Variants in RUSC2 observed in about 807,000 individuals in gnomAD.
The protein encoded by RUSC2 is RUN and SH3 domain containing 2.
A neutral mutation model predicts 122.2 loss-of-function variants in RUSC2; 34 were observed. That is an observed-to-expected ratio of 0.28 (90% CI 0.21 to 0.37). The LOEUF (loss-of-function observed/expected upper bound fraction) is 0.37. Ranked by LOEUF, RUSC2 falls within the 10% of genes least tolerant of loss-of-function variation. The pLI, the probability that RUSC2 is intolerant of heterozygous loss-of-function variation, is 1.00. For synonymous variants in RUSC2, 784 were observed against 790.0 expected (o/e 0.99, Z 0.13); for missense variants, 1,747 against 1,952.4 (o/e 0.89, Z 1.98).
In RUSC2 at chr9:35,557,332, G is replaced by A. The variant is rs765494574; in HGVS notation, c.2984-582G>A. Among the ~76,000 whole-genome samples, 8 of 152,168 alleles carry A rather than the reference G, an allele frequency of 5.3e-5. No individual in the cohort carries two copies. The highest frequency in any genetic ancestry group is 1.2e-4 in the Non-Finnish European group (8 of 68,030). ...AAACGGCCACCTTCCTCCAGGACGC[G>A]AAGGGGATGCAAGTGGGCAGGGGAG... On this transcript the variant is annotated intron_variant, in intron 5 of 11. Transcript: ENST00000361226. This position sits in a 1 kb window ranked among gnomAD's most constrained non-coding sequence, Gnocchi z 4.6.
At chr9:35,515,378 T>C (rs1424763995) in intron 1 of RUSC2, among the ~76,000 whole-genome samples, 1 of 152,052 alleles carries the variant, frequency 6.6e-6, no homozygotes, top group Non-Finnish European at 1.5e-5. Flanking sequence ...ATTCAGAGTA[T>C]AGAAAAAGGC....
At chr9:35,532,369 T>C (rs1821437276) in intron 1 of RUSC2, among the ~76,000 whole-genome samples, 1 of 152,196 alleles carries the variant, frequency 6.6e-6, no homozygotes, top group Admixed American at 6.5e-5. Context: ...TAAATTTGCA[T>C]TTAAATATGG....
chr9:35,555,209 C>A lies in RUSC2; in HGVS notation c.2164C>A (p.Leu722Ile). 2 of 1,613,348 alleles carry A rather than the reference C, an allele frequency of 1.2e-6. No homozygotes were observed. The highest frequency in any genetic ancestry group is 1.7e-6 in the Non-Finnish European group (2 of 1,180,020). Residue 722 changes from leucine (L) to isoleucine (I), a missense_variant, in exon 3 of 12, where the codon CTC becomes ATC. Coordinates refer to ENST00000361226, the MANE Select transcript of RUSC2 (RefSeq NM_014806.5). This position sits in a 1 kb window ranked among gnomAD's most constrained non-coding sequence, Gnocchi z 4.6. ...CCACAGCCTTTCCCAGCTCTACAGC[C>A]TCTCAGGCTGCAGCCGTACACAGCA... is the stretch of plus-strand genomic sequence containing the variant. Reference protein sequence around the residue: ...ALHSLSQLYSLSGCSRTQQPA... With the variant: ...ALHSLSQLYSISGCSRTQQPA...
rs1821782888 is a variant in RUSC2 at position 35,547,516 on chromosome 9, A to C, written c.995A>C (p.Lys332Thr). 6.2e-7 allele frequency: 1 copy of C among 1,613,978 alleles called. No homozygotes were observed. Among genetic ancestry groups the C allele is most frequent in the South Asian group, 1.1e-5 (1 of 91,072 alleles). ...CTGCAGCCCTCCCCATTTGAGTCTA[A>C]GATGTCTTATGAGTCCCATCACCCT... ...LDLQPSPFES[K>T]MSYESHHPES... The change falls in exon 2 of 12, where the codon AAG becomes ACG. Residue 332 changes from lysine (K) to threonine (T), a missense_variant. Lys to Thr is a moderately conservative substitution (Grantham distance 78). Coordinates refer to ENST00000361226, the MANE Select transcript of RUSC2 (RefSeq NM_014806.5). This position sits in a 1 kb window ranked among gnomAD's most constrained non-coding sequence, Gnocchi z 4.6.
chr9:35,515,717 G>T (rs1821089190), intron 1 of RUSC2, among the ~76,000 whole-genome samples: 2 of 151,864 alleles, frequency 1.3e-5, no homozygotes, highest in Non-Finnish European at 2.9e-5. Flanking sequence ...TGCACTTATG[G>T]GCCAGACACA....
At chr9:35,507,010 T>A (rs1326504621) in intron 1 of RUSC2, among the ~76,000 whole-genome samples, 2 of 151,996 alleles carry the variant, frequency 1.3e-5, no homozygotes, top group Non-Finnish European at 2.9e-5. Context: ...CCCAGCTACT[T>A]GGGAGGCGAG....
chr9:35,497,193 C>T (rs1188003108), intron 1 of RUSC2, among the ~76,000 whole-genome samples: 1 of 152,140 alleles, frequency 6.6e-6, no homozygotes, highest in Non-Finnish European at 1.5e-5. Context: ...GTCATGATTT[C>T]TCATTGAGGG....
At chr9:35,513,328 C>T (rs900726328) in intron 1 of RUSC2, among the ~76,000 whole-genome samples, 3 of 152,102 alleles carry the variant, frequency 2.0e-5, no homozygotes, top group African/African-American at 7.2e-5. Flanking sequence ...CTGCAACCTC[C>T]GCCTCCTGGG....
chr9:35,536,625 C>G (rs932254429), intron 1 of RUSC2, among the ~76,000 whole-genome samples: 2 of 151,868 alleles, frequency 1.3e-5, no homozygotes, highest in African/African-American at 2.4e-5. Flanking sequence ...CAAGCCTGGC[C>G]AACATGGCAA....
At chr9:35,514,474 G>A (rs1046867665) in intron 1 of RUSC2, among the ~76,000 whole-genome samples, 1 of 152,132 alleles carries the variant, frequency 6.6e-6, no homozygotes, top group South Asian at 2.1e-4. Context: ...AAGCATGAAA[G>A]TGATATAAAT....
intron 1 of RUSC2, among the ~76,000 whole-genome samples, chr9:35,503,418 G>T (rs1323778766): frequency 6.6e-6 from 1 of 152,058 alleles, no homozygotes; most frequent in East Asian, 1.9e-4. Flanking sequence ...CTCCATCCAA[G>T]TTGCTAAAAA....
chr9:35,553,812 C>T (rs1180052446), intron 2 of RUSC2, among the ~76,000 whole-genome samples: 3 of 152,120 alleles, frequency 2.0e-5, no homozygotes. Context: ...TTCAGAAGCA[C>T]CTCCCTAATG....
intron 1 of RUSC2, among the ~76,000 whole-genome samples, chr9:35,530,751 T>G (rs1032467964): frequency 2.6e-5 from 4 of 151,760 alleles, no homozygotes; most frequent in African/African-American, 9.7e-5. Flanking sequence ...GTGATTATCC[T>G]GCCTCAGCCT....
At chr9:35,543,720 C>T (rs1050272226) in intron 1 of RUSC2, among the ~76,000 whole-genome samples, 5 of 152,192 alleles carry the variant, frequency 3.3e-5, no homozygotes, top group Admixed American at 6.5e-5. Context: ...CCGCCCGCCT[C>T]AGCCTCCCAA....
intron 1 of RUSC2, among the ~76,000 whole-genome samples, chr9:35,543,207 C>G (rs1387210201): frequency 6.6e-6 from 1 of 152,174 alleles, no homozygotes; most frequent in Non-Finnish European, 1.5e-5. Flanking sequence ...AGGTGGATAA[C>G]TTGAGCCCAA....
intron 1 of RUSC2, among the ~76,000 whole-genome samples, chr9:35,501,185 A>C (rs770374570): frequency 3.3e-5 from 5 of 152,248 alleles, no homozygotes; most frequent in Non-Finnish European, 7.3e-5. Flanking sequence ...AGTTGGGAGA[A>C]GTAGTCTAAC....
chr9:35,559,136 C>T lies in RUSC2; in HGVS notation c.3342-90C>T. 9.7e-6 allele frequency: 10 copies of T among 1,031,476 alleles called. 1 individual carries two copies. Among genetic ancestry groups the T allele is most frequent in the Non-Finnish European group, 1.5e-5 (10 of 651,042 alleles). The allele number at this position is 1,031,476 out of a possible 1,614,324, so 63.9% of individuals were successfully genotyped here. A position where few individuals can be genotyped will look rare whatever the true frequency, so the allele number is the denominator to read the frequency against. On this transcript the variant is annotated intron_variant, in intron 8 of 11. Coordinates refer to ENST00000361226, the MANE Select transcript of RUSC2 (RefSeq NM_014806.5). Reference sequence around the variant, plus strand: ...TCGTGCCATGGAAGGGCGTGTTCACCTATTCTTCCTGTGCCTGACCCCCTG... The same window carrying T: ...TCGTGCCATGGAAGGGCGTGTTCACTTATTCTTCCTGTGCCTGACCCCCTG...
intron 1 of RUSC2, among the ~76,000 whole-genome samples, chr9:35,510,443 A>G (rs1820992894): frequency 6.6e-6 from 1 of 152,230 alleles, no homozygotes; most frequent in South Asian, 2.1e-4. Flanking sequence ...GCCTCCCTGG[A>G]TGGAGCTGGC....
At chr9:35,517,596 T>G (rs1472085011) in intron 1 of RUSC2, among the ~76,000 whole-genome samples, 1 of 152,206 alleles carries the variant, frequency 6.6e-6, no homozygotes, top group East Asian at 1.9e-4. Context: ...AAATTCCTTA[T>G]TATAAGTTAG....
Sources: allele counts gnomAD v4.1 joint callset (sites outside exome capture counted in the v4.1 genomes callset), GRCh38; gene constraint gnomAD v4.1.1; non-coding constraint Gnocchi (gnomAD v3.1); transcripts MANE v1.5; gene names NCBI Gene and HGNC (gene_info 2026-07-23, HGNC 2026-07-21).